GULP1: variants seen among roughly 807,000 people sequenced by gnomAD.
The protein encoded by GULP1 is PTB domain-containing engulfment adapter protein 1.
A neutral mutation model predicts 40.9 loss-of-function variants in GULP1; 19 were observed. The ratio of observed to expected loss-of-function variants is 0.46; its 90% CI spans 0.32 to 0.68. The LOEUF is 0.68. Ranked by LOEUF, GULP1 falls within the 30% of genes least tolerant of loss-of-function variation. The pLI is 0.03. For synonymous variants in GULP1, 119 were observed against 117.6 expected, an observed-to-expected ratio of 1.01 and a Z score of -0.08; for missense variants, 312 against 362.2, an observed-to-expected ratio of 0.86 and a Z score of 1.12.
At chr2:188,426,135 G>T (rs2056166657) in intron 2 of GULP1, among the ~76,000 whole-genome samples, 1 of 152,158 alleles carries the variant, frequency 6.6e-6, no homozygotes, top group Non-Finnish European at 1.5e-5. Context: ...GTCCAGAAAG[G>T]CTGGACATAT....
chr2:188,361,085 G>C (rs1486084485), intron 1 of GULP1, among the ~76,000 whole-genome samples: 1 of 152,092 alleles, frequency 6.6e-6, no homozygotes, highest in Non-Finnish European at 1.5e-5. Context: ...GCTTGACCAT[G>C]ACGTATTAAA....
chr2:188,297,294 T>C (rs1431306237), intron 1 of GULP1, among the ~76,000 whole-genome samples: 1 of 152,058 alleles, frequency 6.6e-6, no homozygotes, highest in Admixed American at 6.5e-5. Context: ...GGAAGCCCTT[T>C]CTACTCTTCT....
At chr2:188,515,780 G>A (rs903643824) in intron 4 of GULP1, among the ~76,000 whole-genome samples, 1 of 151,592 alleles carries the variant, frequency 6.6e-6, no homozygotes, top group African/African-American at 2.4e-5. Flanking sequence ...TTACCTGATC[G>A]CTACCCAGCA....
chr2:188,369,445 A>C (rs948567689), intron 1 of GULP1, among the ~76,000 whole-genome samples: 5 of 152,080 alleles, frequency 3.3e-5, no homozygotes, highest in Admixed American at 2.0e-4. Flanking sequence ...TGAACAAGAC[A>C]GGAACCCCAG....
chr2:188,451,012 A>G (rs2058796146), intron 2 of GULP1, among the ~76,000 whole-genome samples: 2 of 152,244 alleles, frequency 1.3e-5, no homozygotes, highest in African/African-American at 2.4e-5. Flanking sequence ...GTAAATGGGT[A>G]TATGCTACCA....
chr2:188,592,414 G>A (rs928427026), intron 11 of GULP1: 2 of 151,854 alleles, frequency 1.3e-5, no homozygotes, highest in African/African-American at 4.8e-5. Context: ...TTAGTTTAAA[G>A]TATTTATTTT....
chr2:188,317,815 G>T, intron 1 of GULP1, among the ~76,000 whole-genome samples: 1 of 151,420 alleles, frequency 6.6e-6, no homozygotes. Context: ...TTATATTGTG[G>T]CATATGTATA....
intron 2 of GULP1, among the ~76,000 whole-genome samples, chr2:188,460,853 C>T (rs141061801): frequency 2.0e-5 from 3 of 152,090 alleles, no homozygotes; most frequent in East Asian, 1.9e-4. Flanking sequence ...GGGTCTTTAT[C>T]GTGAGGGGAT....
intron 2 of GULP1, among the ~76,000 whole-genome samples, chr2:188,415,314 T>C (rs911161859): frequency 1.3e-5 from 2 of 152,188 alleles, no homozygotes; most frequent in Non-Finnish European, 2.9e-5. Context: ...CTAAGTAGAA[T>C]GATATCTGAT....
intron 1 of GULP1, among the ~76,000 whole-genome samples, chr2:188,368,997 C>G (rs2047239014): frequency 1.4e-5 from 2 of 139,258 alleles, no homozygotes; most frequent in African/African-American, 2.7e-5. Flanking sequence ...GAGTCTCACT[C>G]TGTCGCCCAG....
intron 1 of GULP1, among the ~76,000 whole-genome samples, chr2:188,304,630 C>G (rs547347090): frequency 6.6e-6 from 1 of 152,248 alleles, no homozygotes; most frequent in East Asian, 1.9e-4. Flanking sequence ...GAGAATGTAA[C>G]ACCTTTGAAT....
At chr2:188,321,946 C>T (rs537558108) in intron 1 of GULP1, among the ~76,000 whole-genome samples, 13 of 152,108 alleles carry the variant, frequency 8.5e-5, no homozygotes, top group Admixed American at 3.3e-4. Context: ...ACCTAGGAGG[C>T]GGAGGTTGCA....
At chr2:188,533,518 A>G (rs1688104031) in intron 6 of GULP1, among the ~76,000 whole-genome samples, 1 of 152,202 alleles carries the variant, frequency 6.6e-6, no homozygotes, top group African/African-American at 2.4e-5. Context: ...ACCTTAAAGT[A>G]TAAGAATCCT....
chr2:188,501,364 T>C (rs1575629434), intron 4 of GULP1, among the ~76,000 whole-genome samples: 1 of 152,082 alleles, frequency 6.6e-6, no homozygotes, highest in East Asian at 1.9e-4. Flanking sequence ...CCTTCTGCCA[T>C]GATTGTAAGT....
At chr2:188,496,583 G>GA (rs945560124) in intron 4 of GULP1, among the ~76,000 whole-genome samples, 1 of 151,886 alleles carries the variant, frequency 6.6e-6, no homozygotes, top group Non-Finnish European at 1.5e-5. Context: ...TGTAGAGTGA[G>GA]AAAAAAACCT....
intron 9 of GULP1, among the ~76,000 whole-genome samples, chr2:188,578,603 T>G (rs988148284): frequency 6.6e-6 from 1 of 151,936 alleles, no homozygotes; most frequent in Non-Finnish European, 1.5e-5. Context: ...TGGACACTCA[T>G]TATTAATATA....
chr2:188,366,662 G>A (rs1265120435), intron 1 of GULP1, among the ~76,000 whole-genome samples: 2 of 147,912 alleles, frequency 1.4e-5, no homozygotes, highest in Non-Finnish European at 1.5e-5. Context: ...GCGCGATCTC[G>A]GCTCACTTGC....
rs1011924771 is a variant in GULP1 at position 188,523,560 on chromosome 2, T to G, written c.162+733T>G. Among the ~76,000 whole-genome samples, 6 of 150,984 alleles carry G rather than the reference T, an allele frequency of 4.0e-5. No homozygotes were observed. In the Admixed American group the frequency reaches 4.0e-4, roughly 10 times the overall value. On this transcript the variant is annotated intron_variant, in intron 5 of 11. Transcript: ENST00000409830. ...AAGAAAATACACATTATCACTACTT[T>G]TTTTTTTTACACAGTTAAATGTTAT...
intron 1 of GULP1, among the ~76,000 whole-genome samples, chr2:188,382,088 T>C (rs1356006253): frequency 6.6e-6 from 1 of 152,186 alleles, no homozygotes; most frequent in African/African-American, 2.4e-5. Flanking sequence ...GTAGATGCTG[T>C]TGATGATCAG....
Sources: allele counts gnomAD v4.1 joint callset (sites outside exome capture counted in the v4.1 genomes callset), GRCh38; gene constraint gnomAD v4.1.1; transcripts MANE v1.5; gene names NCBI Gene and HGNC (gene_info 2026-07-23, HGNC 2026-07-21).